Variants in DCLK1 observed in about 807,000 individuals in gnomAD.
The protein encoded by DCLK1 is serine/threonine-protein kinase DCLK1.
In DCLK1, 16 loss-of-function variants were observed where a neutral mutation model predicts 86.2. The ratio of observed to expected loss-of-function variants is 0.19; its 90% CI spans 0.13 to 0.28. DCLK1 has a LOEUF of 0.28. Among genes scored for constraint, DCLK1 ranks in the 10% least tolerant of loss-of-function variants. The probability of loss-of-function intolerance (pLI) is 1.00; values close to 1 mark genes in which losing one functional copy is unlikely to be tolerated. For synonymous variants in DCLK1, 369 were observed against 370.5 expected (o/e 1.00, Z 0.05); for missense variants, 590 against 940.2 (o/e 0.63, Z 4.87).
At chr13:36,070,182 C>T (rs1361347994) in intron 3 of DCLK1, among the ~76,000 whole-genome samples, 1 of 152,144 alleles carries the variant, frequency 6.6e-6, no homozygotes, top group Non-Finnish European at 1.5e-5. Flanking sequence ...CCTAAAGTGG[C>T]TGCAGTCCCA....
intron 3 of DCLK1, among the ~76,000 whole-genome samples, chr13:35,995,398 A>T (rs1880425165): frequency 6.6e-6 from 1 of 152,220 alleles, no homozygotes; most frequent in Admixed American, 6.5e-5. Flanking sequence ...AATGGGCCAC[A>T]CCAAAATATA....
At chr13:35,978,977 T>C (rs1271889697) in intron 3 of DCLK1, among the ~76,000 whole-genome samples, 1 of 152,216 alleles carries the variant, frequency 6.6e-6, no homozygotes, top group Non-Finnish European at 1.5e-5. Flanking sequence ...GCTCTACCTA[T>C]ATTGTCTTAT....
At chr13:36,039,823 C>T (rs1467990190) in intron 3 of DCLK1, among the ~76,000 whole-genome samples, 2 of 152,024 alleles carry the variant, frequency 1.3e-5, no homozygotes, top group Non-Finnish European at 2.9e-5. Context: ...CTTTTGAACG[C>T]AGTGTCTAAT....
intron 14 of DCLK1, among the ~76,000 whole-genome samples, chr13:35,806,896 G>A (rs2087038539): frequency 2.0e-5 from 3 of 152,138 alleles, no homozygotes; most frequent in African/African-American, 7.2e-5. Flanking sequence ...CTGGACAGTT[G>A]AAGAAAATGA....
chr13:36,106,635 G>A (rs1885407614), intron 3 of DCLK1, among the ~76,000 whole-genome samples: 2 of 152,138 alleles, frequency 1.3e-5, no homozygotes, highest in Non-Finnish European at 2.9e-5. Flanking sequence ...TAATATGCTT[G>A]CAGAAGTTAA....
chr13:36,040,921 C>A (rs1281764221), intron 3 of DCLK1, among the ~76,000 whole-genome samples: 3 of 152,068 alleles, frequency 2.0e-5, no homozygotes, highest in Non-Finnish European at 4.4e-5. Context: ...GTATCTCCAT[C>A]ATTATGGGTT....
rs751130960 is a variant in DCLK1, at chr13:35,798,712, A to G, written c.1945-5233T>C. ...CATATGGAAACTGCAATTCCATGTC[A>G]TCGTTTAAAATTTGTGAATATCAAT... On this transcript the variant is annotated intron_variant, in intron 15 of 16. Transcript: ENST00000360631. Among the ~76,000 whole-genome samples, 31 of 152,356 alleles carry G rather than the reference A, an allele frequency of 2.0e-4. 1 individual carries two copies. The Middle Eastern group carries it at 0.01, about 50-fold the overall frequency.
intron 5 of DCLK1, among the ~76,000 whole-genome samples, chr13:35,860,546 C>G (rs1193603169): frequency 1.3e-5 from 2 of 152,018 alleles, no homozygotes; most frequent in African/African-American, 2.4e-5. Flanking sequence ...GCCCCAGGAA[C>G]AGAGGAGAGG....
intron 3 of DCLK1, among the ~76,000 whole-genome samples, chr13:36,060,470 G>T (rs1212819378): frequency 1.3e-5 from 2 of 152,064 alleles, no homozygotes; most frequent in East Asian, 3.9e-4. Context: ...TATGCAAATA[G>T]ATGTACAGAT....
intron 11 of DCLK1, among the ~76,000 whole-genome samples, chr13:35,819,023 G>A (rs890350699): frequency 6.6e-5 from 10 of 151,976 alleles, no homozygotes; most frequent in Non-Finnish European, 1.0e-4. Flanking sequence ...CTTGCCAGGC[G>A]GCTCTGTCCT....
At chr13:35,859,811 T>C (rs539826517) in intron 5 of DCLK1, among the ~76,000 whole-genome samples, 1 of 152,340 alleles carries the variant, frequency 6.6e-6, no homozygotes, top group African/African-American at 2.4e-5. Flanking sequence ...CTTTAAAAAA[T>C]CTAGAATTTG....
intron 3 of DCLK1, among the ~76,000 whole-genome samples, chr13:36,006,285 A>C (rs1880953954): frequency 6.6e-6 from 1 of 152,238 alleles, no homozygotes; most frequent in African/African-American, 2.4e-5. Flanking sequence ...AGCCGTACCA[A>C]GGAGCTGGGA....
intron 4 of DCLK1, among the ~76,000 whole-genome samples, chr13:35,893,004 T>C (rs4291798): frequency 0.99 from 151,034 of 152,370 alleles, 74,873 homozygotes; most frequent in Middle Eastern, 1. Context: ...AAACACAAAT[T>C]GATTTGTTTT....
rs60440999 is a variant in DCLK1 at position 35,911,127 on chromosome 13, C to CAA, written c.823+36229_823+36230dup. 9.9e-3 allele frequency among the ~76,000 whole-genome samples: 1,207 copies of CAA among 122,138 alleles called. 17 individuals are homozygous for CAA. The highest frequency in any genetic ancestry group is 0.029 in the East Asian group (121 of 4,120). 80.1% of individuals were successfully genotyped at this position (122,138 alleles called of 152,430 possible). On this transcript the variant is annotated intron_variant, in intron 4 of 16. Coordinates refer to ENST00000360631, the MANE Select transcript of DCLK1 (RefSeq NM_001330071.2). ...TGAAACCCCATCTCTACTAAAAATA[C>CAA]AAAAAAAAAAAAAAAAACTAGCCAG...
At chr13:36,114,747 T>C (rs192715091) in intron 2 of DCLK1, among the ~76,000 whole-genome samples, 51 of 152,360 alleles carry the variant, frequency 3.3e-4, no homozygotes, top group African/African-American at 9.4e-4. Flanking sequence ...AAGTTGGTTG[T>C]ATTTTCTGAT....
chr13:35,915,843 T>C (rs1875372551), intron 4 of DCLK1, among the ~76,000 whole-genome samples: 1 of 152,234 alleles, frequency 6.6e-6, no homozygotes, highest in Admixed American at 6.6e-5. Flanking sequence ...TATGTTTTGA[T>C]TGATCACTAA....
intron 15 of DCLK1, among the ~76,000 whole-genome samples, chr13:35,799,100 T>C (rs1000991574): frequency 6.6e-6 from 1 of 152,208 alleles, no homozygotes; most frequent in South Asian, 2.1e-4. Flanking sequence ...TTCTTGAACT[T>C]CATTTCATGT....
At chr13:36,101,949 G>A (rs893770262) in intron 3 of DCLK1, among the ~76,000 whole-genome samples, 1 of 152,100 alleles carries the variant, frequency 6.6e-6, no homozygotes, top group East Asian at 1.9e-4. Flanking sequence ...CACCGTGTTG[G>A]CCAGGCTGGT....
intron 2 of DCLK1, among the ~76,000 whole-genome samples, chr13:36,119,776 A>G (rs1409204410): frequency 1.3e-5 from 2 of 152,226 alleles, no homozygotes; most frequent in Admixed American, 6.5e-5. Context: ...AGCAGACACA[A>G]CAACTAAATG....
Sources: allele counts gnomAD v4.1 joint callset (sites outside exome capture counted in the v4.1 genomes callset), GRCh38; gene constraint gnomAD v4.1.1; transcripts MANE v1.5; gene names NCBI Gene and HGNC (gene_info 2026-07-23, HGNC 2026-07-21).